DPEP1: variants seen among roughly 807,000 people sequenced by gnomAD.
The protein encoded by DPEP1 is beta-lactamase.
DPEP1 carries 50 observed loss-of-function variants against 42.3 expected under a neutral mutation model. The ratio of observed to expected loss-of-function variants is 1.18; its 90% confidence interval spans 0.94 to 1.50. The LOEUF (loss-of-function observed/expected upper bound fraction) is 1.50, where lower values mean the gene tolerates loss of function less well. DPEP1 is among the 40% of genes most tolerant of loss of function. The probability of loss-of-function intolerance (pLI) is 0.00; values close to 1 mark genes in which losing one functional copy is unlikely to be tolerated. For missense variants in DPEP1, 663 were observed against 553.0 expected (o/e 1.20, Z -1.99); for synonymous variants, 297 against 234.0 (o/e 1.27, Z -2.46).
At chr16:89,616,967 T>G in intron 1 of DPEP1, 3 of 210,988 alleles carry the variant, frequency 1.4e-5, no homozygotes, top group Non-Finnish European at 1.9e-5. Context: ...GAGGGGATGA[T>G]GGAGTCTGGC....
intron 1 of DPEP1, among the ~76,000 whole-genome samples, chr16:89,621,433 G>T (rs1310141901): frequency 6.6e-6 from 1 of 152,188 alleles, no homozygotes; most frequent in African/African-American, 2.4e-5. Flanking sequence ...GGGGCCTGTG[G>T]ACTCCCCCAG....
chr16:89,634,295 G>T (rs183436546), intron 2 of DPEP1, among the ~76,000 whole-genome samples: 5 of 151,956 alleles, frequency 3.3e-5, no homozygotes, highest in African/African-American at 1.2e-4. Flanking sequence ...CACCATGTTA[G>T]CCAGGATGAT....
chr16:89,640,136 C>G (rs1293707828), downstream of DPEP1, among the ~76,000 whole-genome samples: 1 of 152,202 alleles, frequency 6.6e-6, no homozygotes, highest in Admixed American at 6.5e-5. Flanking sequence ...GGGCTCAGTG[C>G]CTTCCCATAT....
chr16:89,626,528 T>C (rs1380653030), intron 1 of DPEP1: 1 of 152,090 alleles, frequency 6.6e-6, no homozygotes, highest in Non-Finnish European at 1.5e-5. Context: ...TTTTGTATTA[T>C]TAGTAGAGAT....
chr16:89,636,766 C>T, intron 5 of DPEP1, 83 bp downstream of exon 5: 1 of 1,601,052 alleles, frequency 6.2e-7, no homozygotes, highest in Non-Finnish European at 8.5e-7. Flanking sequence ...CAGAGCCCAT[C>T]CCCTCTGCCT....
At chr16:89,636,806 G>T in intron 5 of DPEP1, 60 bp from the exon 6 acceptor site, 1 of 1,607,772 alleles carries the variant, frequency 6.2e-7, no homozygotes, top group Non-Finnish European at 8.5e-7. Flanking sequence ...TCGCCTGCTG[G>T]GCTGATGGGA....
intron 1 of DPEP1, among the ~76,000 whole-genome samples, chr16:89,620,944 A>T (rs2059440325): frequency 6.6e-6 from 1 of 152,174 alleles, no homozygotes; most frequent in South Asian, 2.1e-4. Flanking sequence ...CATCTACAGC[A>T]TAGCATGGAG....
chr16:89,618,751 C>G (rs1025534297), intron 1 of DPEP1, among the ~76,000 whole-genome samples: 2 of 152,064 alleles, frequency 1.3e-5, no homozygotes, highest in African/African-American at 4.8e-5. Flanking sequence ...CTGCACTGTT[C>G]CCCGGGCAAA....
intron 2 of DPEP1, among the ~76,000 whole-genome samples, chr16:89,634,042 C>T (rs201888722): frequency 6.6e-6 from 1 of 152,024 alleles, no homozygotes; most frequent in African/African-American, 2.4e-5. Flanking sequence ...AGAGCCTGCC[C>T]TGGGCCCCTT....
At chr16:89,616,858 AGGCAGGAAGTG>A (rs1348549517) in intron 1 of DPEP1, 5 of 228,302 alleles carry the variant, frequency 2.2e-5, no homozygotes, top group South Asian at 3.8e-5. Context: ...GCCAGGAAGC[AGGCAGGAAGTG>A]GGCAGGAAGC....
At chr16:89,634,162 C>T (rs1292823365) in intron 2 of DPEP1, among the ~76,000 whole-genome samples, 1 of 142,454 alleles carries the variant, frequency 7.0e-6, no homozygotes, top group Non-Finnish European at 1.5e-5. Flanking sequence ...GATCTCGGCT[C>T]ACTGCAAGCT....
rs2070992 is a variant in DPEP1, at chr16:89,636,212, G to T, written c.238-52G>T. Reference sequence around the variant, plus strand: ...ACCAGACTCCCACAGGCATGCGGGGGGTGGGCTGAGACCTGGCTGCATCAG... The same window carrying T: ...ACCAGACTCCCACAGGCATGCGGGGTGTGGGCTGAGACCTGGCTGCATCAG... On this transcript the variant is annotated intron_variant, in intron 3 of 10. Coordinates refer to ENST00000690203, the MANE Select transcript of DPEP1 (RefSeq NM_001389466.1). The T allele has an allele frequency of 3.2e-6, 5 of 1,574,396 alleles. No individual in the cohort carries two copies. The East Asian group carries it at 9.3e-5, about 29-fold the overall frequency.
downstream of DPEP1, among the ~76,000 whole-genome samples, chr16:89,641,169 G>C (rs1001470006): frequency 6.6e-6 from 1 of 152,246 alleles, no homozygotes; most frequent in Non-Finnish European, 1.5e-5. Context: ...CTGGGAGCGT[G>C]ACCGCTGAAA....
chr16:89,633,962 C>T (rs2059624502), intron 2 of DPEP1, among the ~76,000 whole-genome samples: 1 of 151,930 alleles, frequency 6.6e-6, no homozygotes, highest in African/African-American at 2.4e-5. Context: ...TCCCCAGGGT[C>T]GGGGGTCAGG....
Position 89,636,917 on chromosome 16 carries a change from C to A in DPEP1, c.573C>A (p.Gly191=), listed in dbSNP as rs1372035370. 6.2e-7 allele frequency: 1 copy of A among 1,612,518 alleles called. No homozygotes were observed. Among genetic ancestry groups the A allele is most frequent in the Non-Finnish European group, 8.5e-7 (1 of 1,179,924 alleles). ...DTGDSEPQSQ[G]LSPFGQRVVK... is the part of the protein sequence containing the mutation. ...GAGACAGCGAGCCCCAGAGCCAAGG[C>A]TTGTCACCCTTTGGGCAGGTGAGTG... The change falls in exon 6 of 11, where the codon GGC becomes GGA. Residue 191 remains glycine (G), a synonymous_variant. Coordinates refer to ENST00000690203, the MANE Select transcript of DPEP1 (RefSeq NM_001389466.1).
chr16:89,637,251 T>C lies in DPEP1; in HGVS notation c.639T>C (p.Ala213=). ...GTCTGGGGGTCCTCATCGACTTGGC[T>C]CACGTGTCTGTGGCCACCATGAAGG... is the stretch of plus-strand genomic sequence containing the variant. ...LNRLGVLIDL[A]HVSVATMKAT... is the part of the protein sequence containing the mutation. The change falls in exon 7 of 11, where the codon GCT becomes GCC. Residue 213 remains alanine (A), a synonymous_variant. Transcript: ENST00000690203. The C allele has an allele frequency of 6.2e-7, 1 of 1,612,658 alleles. No individual in the cohort carries two copies. The highest frequency in any genetic ancestry group is 8.5e-7 in the Non-Finnish European group (1 of 1,179,924).
At chr16:89,616,916 T>C in intron 1 of DPEP1, 1 of 230,488 alleles carries the variant, frequency 4.3e-6, no homozygotes, top group South Asian at 3.8e-5. Context: ...AGGAAGCGGG[T>C]AGGAAGCGGG....
chr16:89,637,192 C>G lies in DPEP1; in HGVS notation c.592-12C>G. The stretch of plus-strand genomic sequence containing the variant: ...GGGGGCTGTGAGGGTGGACGGAGCC[C>G]TGTCTTCCCAGCGTGTGGTGAAGGA... On this transcript the variant is annotated splice_polypyrimidine_tract_variant and intron_variant, in intron 6 of 10. Coordinates refer to ENST00000690203, the MANE Select transcript of DPEP1 (RefSeq NM_001389466.1). 6.2e-7 allele frequency: 1 copy of G among 1,609,904 alleles called. No homozygotes were observed. The highest frequency in any genetic ancestry group is 8.5e-7 in the Non-Finnish European group (1 of 1,178,154).
rs2059681909 is a variant in DPEP1 at position 89,636,527 on chromosome 16, C to T, written c.371-6C>T. On this transcript the variant is annotated splice_polypyrimidine_tract_variant and splice_region_variant and intron_variant, in intron 4 of 10. Transcript: ENST00000690203. Reference sequence around the variant, plus strand: ...CCACTCCCCTGCACCCTGACTCTCCCCGCAGGCATTCGGCAGGCCTTCCGG... The same window carrying T: ...CCACTCCCCTGCACCCTGACTCTCCTCGCAGGCATTCGGCAGGCCTTCCGG... 1 of 1,611,640 alleles carries T rather than the reference C, an allele frequency of 6.2e-7. No individual in the cohort carries two copies. The highest frequency in any genetic ancestry group is 8.5e-7 in the Non-Finnish European group (1 of 1,179,482).
Sources: gnomAD v4.1 joint callset for allele counts (sites outside exome capture counted in the v4.1 genomes callset) on GRCh38, gnomAD v4.1.1 for gene constraint, MANE v1.5 for transcripts, NCBI Gene and HGNC (gene_info 2026-07-23, HGNC 2026-07-21) for gene names.